Variants in CNGB3 observed in about 807,000 individuals in gnomAD.
CNGB3 encodes the protein cyclic nucleotide gated channel subunit beta 3, also known as cyclic nucleotide-gated channel beta-3.
A neutral mutation model predicts 92.8 loss-of-function variants in CNGB3; 86 were observed. The ratio of observed to expected loss-of-function variants is 0.93; its 90% CI spans 0.78 to 1.11. The LOEUF (loss-of-function observed/expected upper bound fraction) is 1.11, where lower values mean the gene tolerates loss of function less well. CNGB3 is among the 50% of genes least tolerant of loss of function. CNGB3 has a pLI of 0.00. For missense variants in CNGB3, 1,026 were observed against 956.8 expected (o/e 1.07, Z -0.95); for synonymous variants, 333 against 332.7 (o/e 1.00, Z -0.01).
At chr8:86,649,926 A>T (rs1237451851) in intron 7 of CNGB3, among the ~76,000 whole-genome samples, 1 of 151,822 alleles carries the variant, frequency 6.6e-6, no homozygotes, top group Non-Finnish European at 1.5e-5. Flanking sequence ...CAGAATCTAC[A>T]AGGAACTCAA....
chr8:86,607,621 T>C (rs1822436210), intron 14 of CNGB3, among the ~76,000 whole-genome samples: 2 of 152,150 alleles, frequency 1.3e-5, no homozygotes, highest in Admixed American at 1.3e-4. Flanking sequence ...TGCAGAAATA[T>C]GAATCAGAAT....
intron 6 of CNGB3, chr8:86,658,582 C>T (rs1001662378): frequency 8.7e-6 from 3 of 345,826 alleles, no homozygotes; most frequent in African/African-American, 2.2e-5. Flanking sequence ...TGATAGGTGG[C>T]CACATACTGC....
chr8:86,646,235 G>T (rs1293829345), intron 8 of CNGB3, among the ~76,000 whole-genome samples: 1 of 151,050 alleles, frequency 6.6e-6, no homozygotes, highest in Non-Finnish European at 1.5e-5. Flanking sequence ...AGATTGCTTG[G>T]AACATTATTG....
intron 3 of CNGB3, among the ~76,000 whole-genome samples, chr8:86,677,587 A>G (rs1398942761): frequency 6.6e-6 from 1 of 152,168 alleles, no homozygotes; most frequent in African/African-American, 2.4e-5. Flanking sequence ...GGAAGTCACA[A>G]CCTTGGAATT....
intron 2 of CNGB3, among the ~76,000 whole-genome samples, chr8:86,727,809 T>C (rs566035854): frequency 6.6e-6 from 1 of 152,276 alleles, no homozygotes; most frequent in South Asian, 2.1e-4. Context: ...TTTATTTTCT[T>C]GTAATACATA....
rs1330320172 is a variant in CNGB3, at chr8:86,578,846, T to C, written c.1946A>G (p.Lys649Arg). 6.2e-7 allele frequency: 1 copy of C among 1,614,086 alleles called. No individual in the cohort carries two copies. The highest frequency in any genetic ancestry group is 2.2e-5 in the East Asian group (1 of 44,892). ...MKKARVLLKQ[K>R]AKTAEATPPR... ...AGGGGTTGCTTCTGCGGTCTTAGCC[T>C]TCTGCTTTAAAAGCACTCTGTGGGT... Residue 649 changes from lysine to arginine, a missense_variant, in exon 17 of 18, where the codon AAG (lysine) becomes AGG (arginine). Coordinates refer to ENST00000320005, the MANE Select transcript of CNGB3 (RefSeq NM_019098.5).
At chr8:86,667,186 G>C (rs1007222972) in intron 5 of CNGB3, 53 bp from the exon 6 acceptor site, 1 of 1,490,304 alleles carries the variant, frequency 6.7e-7, no homozygotes, top group African/African-American at 1.4e-5. Flanking sequence ...AACACAGAAA[G>C]AATTCTGTTG....
At chr8:86,720,835 T>C (rs62525701) in intron 3 of CNGB3, among the ~76,000 whole-genome samples, 565 of 33,068 alleles carry the variant, frequency 0.017, no homozygotes, top group African/African-American at 0.079. Flanking sequence ...TATATATATA[T>C]GTATACACAC....
chr8:86,575,583 T>G lies in CNGB3; in HGVS notation c.*221A>C, dbSNP rs1288306408. 2.0e-6 allele frequency: 1 copy of G among 493,442 alleles called. No individual in the cohort carries two copies. Among genetic ancestry groups the G allele is most frequent in the Non-Finnish European group, 3.6e-6 (1 of 280,586 alleles). The allele number at this position is 493,442 out of a possible 1,614,324, so 30.6% of individuals were successfully genotyped here. A position where few individuals can be genotyped will look rare whatever the true frequency, so the allele number is the denominator to read the frequency against. On this transcript the variant is annotated 3_prime_UTR_variant, in exon 18 of 18. Transcript: ENST00000320005. ...ACAATTAGAAGATATAGCAATTGCA[T>G]AAAGTTAATGAAAACGGAGAATAGG...
At chr8:86,734,991 T>C (rs1825220282) in intron 2 of CNGB3, among the ~76,000 whole-genome samples, 1 of 148,684 alleles carries the variant, frequency 6.7e-6, no homozygotes, top group Non-Finnish European at 1.5e-5. Context: ...AGTTAGAAAG[T>C]AGCAGAGTTG....
intron 15 of CNGB3, among the ~76,000 whole-genome samples, chr8:86,587,238 C>A (rs1360135927): frequency 1.3e-5 from 2 of 151,422 alleles, no homozygotes; most frequent in Non-Finnish European, 2.9e-5. Flanking sequence ...TGGATATTAG[C>A]CCTTTGTCAG....
chr8:86,743,451 T>A lies in CNGB3; in HGVS notation c.129+48A>T, dbSNP rs372444864. 90 of 1,611,040 alleles carry A rather than the reference T, an allele frequency of 5.6e-5. 1 individual carries two copies. In the African/African-American group the frequency reaches 1.1e-3, roughly 19 times the overall value. On this transcript the variant is annotated intron_variant, in intron 1 of 17. Coordinates refer to ENST00000320005, the MANE Select transcript of CNGB3 (RefSeq NM_019098.5). ...GCAGTGATTAAATGCTATTACCAGA[T>A]AAGAAATGATGAAAATCAAGGCTTG...
At chr8:86,633,360 C>T (rs1822999748) in intron 10 of CNGB3, among the ~76,000 whole-genome samples, 1 of 152,134 alleles carries the variant, frequency 6.6e-6, no homozygotes, top group African/African-American at 2.4e-5. Flanking sequence ...TTTTGGAATG[C>T]CCAAGGTAGC....
At chr8:86,736,968 G>A (rs1389599596) in intron 2 of CNGB3, among the ~76,000 whole-genome samples, 1 of 152,126 alleles carries the variant, frequency 6.6e-6, no homozygotes, top group Non-Finnish European at 1.5e-5. Context: ...GTATTATATT[G>A]CATTCACGTT....
At chr8:86,659,342 C>T in intron 6 of CNGB3, 2 of 1,165,262 alleles carry the variant, frequency 1.7e-6, no homozygotes, top group Admixed American at 1.7e-5. Context: ...GCTGTAACTG[C>T]TGGTTAGCAT....
chr8:86,739,084 C>T (rs969739004), intron 2 of CNGB3, among the ~76,000 whole-genome samples: 1 of 151,954 alleles, frequency 6.6e-6, no homozygotes, highest in Non-Finnish European at 1.5e-5. Flanking sequence ...AATATACCGT[C>T]GTGTACATCT....
At chr8:86,685,036 A>G (rs938202791) in intron 3 of CNGB3, among the ~76,000 whole-genome samples, 7 of 152,112 alleles carry the variant, frequency 4.6e-5, no homozygotes, top group Non-Finnish European at 1.0e-4. Flanking sequence ...ATCATTGTCA[A>G]CATCCTGGTT....
chr8:86,684,823 C>G (rs963486109), intron 3 of CNGB3, among the ~76,000 whole-genome samples: 2 of 152,146 alleles, frequency 1.3e-5, no homozygotes, highest in African/African-American at 4.8e-5. Context: ...TAGCGATTGT[C>G]AAGGATCAGG....
chr8:86,636,953 A>T (rs911276302), intron 10 of CNGB3, among the ~76,000 whole-genome samples: 6 of 152,142 alleles, frequency 3.9e-5, no homozygotes, highest in African/African-American at 1.4e-4. Flanking sequence ...AGGCTGAATG[A>T]TATTCTATTA....
Sources: allele counts gnomAD v4.1 joint callset (sites outside exome capture counted in the v4.1 genomes callset), GRCh38; gene constraint gnomAD v4.1.1; transcripts MANE v1.5; gene names NCBI Gene and HGNC (gene_info 2026-07-23, HGNC 2026-07-21).